The following PPP1R1C variants were observed in gnomAD, a reference collection of about 807,000 sequenced individuals.
The protein encoded by PPP1R1C is protein phosphatase 1 regulatory subunit 1C.
In PPP1R1C, 15 loss-of-function variants were observed where a neutral mutation model predicts 17.4. The ratio of observed to expected loss-of-function variants is 0.86; its 90% CI spans 0.58 to 1.33. The LOEUF (loss-of-function observed/expected upper bound fraction) is 1.33, where lower values mean the gene tolerates loss of function less well. Among genes scored for constraint, PPP1R1C ranks in the 40% most tolerant of loss-of-function variants. PPP1R1C has a pLI of 0.00. For missense variants in PPP1R1C, 143 were observed against 130.0 expected (o/e 1.10, Z -0.48); for synonymous variants, 35 against 43.1 (o/e 0.81, Z 0.73).
chr2:181,960,468 T>C (rs1473337892), intron 1 of PPP1R1C, among the ~76,000 whole-genome samples: 2 of 152,216 alleles, frequency 1.3e-5, no homozygotes, highest in African/African-American at 4.8e-5. Context: ...GGCAATTTTG[T>C]AGTTTTTGTT....
intron 4 of PPP1R1C, among the ~76,000 whole-genome samples, chr2:182,112,765 A>G (rs1689479799): frequency 6.6e-6 from 1 of 152,204 alleles, no homozygotes; most frequent in Non-Finnish European, 1.5e-5. Flanking sequence ...AAAAGCACAA[A>G]TACACTATAA....
At chr2:182,069,025 G>T (rs1449446302) in intron 4 of PPP1R1C, among the ~76,000 whole-genome samples, 5 of 152,132 alleles carry the variant, frequency 3.3e-5, no homozygotes, top group Admixed American at 3.3e-4. Flanking sequence ...GGAAGAGAAG[G>T]CAGCAAGATC....
At chr2:182,108,983 C>G (rs1689337071) in intron 4 of PPP1R1C, among the ~76,000 whole-genome samples, 2 of 152,180 alleles carry the variant, frequency 1.3e-5, no homozygotes, top group Non-Finnish European at 1.5e-5. Context: ...CTGTTGCTCC[C>G]TGTCTTCGCT....
In PPP1R1C at chr2:181,986,098, T is replaced by G. The variant is rs1685289194; in HGVS notation, c.-13T>G. On this transcript the variant is annotated 5_prime_UTR_variant, in exon 1 of 5. In the 5' UTR this introduces an upstream ATG that the reference lacks. Transcript: ENST00000682840. ...TGAGCTCTTCACATCTCTGACTAAT[T>G]ATCATCATTACCATGGAGCCCAACA... 6.2e-7 allele frequency: 1 copy of G among 1,609,684 alleles called. No homozygotes were observed.
At position 182,089,674 on chromosome 2, in the gene PPP1R1C, G is replaced by A. The variant is rs138075777; in HGVS notation, c.241+25883G>A. On this transcript the variant is annotated intron_variant, in intron 4 of 4. Coordinates refer to ENST00000682840, the MANE Select transcript of PPP1R1C (RefSeq NM_001080545.3). The stretch of plus-strand genomic sequence containing the variant: ...CAAAACAGGTATTATTTAAAACAAC[G>A]ATATTCAAAGAGTAACATGGTAGAT... 3.4e-3 allele frequency among the ~76,000 whole-genome samples: 517 copies of A among 152,070 alleles called. 2 individuals are homozygous for A. The highest frequency in any genetic ancestry group is 0.012 in the African/African-American group (500 of 41,522).
At chr2:182,070,850 G>A (rs1688118457) in intron 4 of PPP1R1C, among the ~76,000 whole-genome samples, 2 of 152,170 alleles carry the variant, frequency 1.3e-5, no homozygotes, top group African/African-American at 2.4e-5. Context: ...GAAGGTGAAG[G>A]GGGAGCCAGC....
chr2:182,076,197 C>CTTTTTT lies in PPP1R1C; in HGVS notation c.241+12442_241+12447dup, dbSNP rs1165789924. On this transcript the variant is annotated intron_variant, in intron 4 of 4. Coordinates refer to ENST00000682840, the MANE Select transcript of PPP1R1C (RefSeq NM_001080545.3). ...GATTTTGAACTTTTTTTTTTCTTTT[C>CTTTTTT]TTTTTTTTTTTTTTTTTTTTTTTTT... Among the ~76,000 whole-genome samples the CTTTTTT allele has an allele frequency of 1.6e-3, 41 of 25,856 alleles. 5 individuals carry two copies. The highest frequency in any genetic ancestry group is 3.6e-3 in the African/African-American group (17 of 4,684). The allele number at this position is 25,856 out of a possible 152,430, so 17.0% of individuals were successfully genotyped here.
intron 2 of PPP1R1C, among the ~76,000 whole-genome samples, chr2:182,040,004 G>A (rs185039808): frequency 5.5e-4 from 83 of 152,258 alleles, no homozygotes; most frequent in Non-Finnish European, 1.1e-3. Context: ...TTATAGCTGA[G>A]TAGTATTCCA....
In PPP1R1C at chr2:182,100,944, A is replaced by C. The variant is rs538464016; in HGVS notation, c.242-16263A>C. Among the ~76,000 whole-genome samples, 176 of 152,268 alleles carry C rather than the reference A, an allele frequency of 1.2e-3. 1 individual carries two copies. The highest frequency in any genetic ancestry group is 3.6e-3 in the African/African-American group (150 of 41,564). On this transcript the variant is annotated intron_variant, in intron 4 of 4. Coordinates refer to ENST00000682840, the MANE Select transcript of PPP1R1C (RefSeq NM_001080545.3). ...AGCAGGCAGGGCTGATTGTTTTCCC[A>C]TGTTTGGTGGTCATGAGAAGAGCGG...
intron 4 of PPP1R1C, among the ~76,000 whole-genome samples, chr2:182,065,529 T>C (rs1687960968): frequency 1.3e-5 from 2 of 152,140 alleles, no homozygotes; most frequent in African/African-American, 2.4e-5. Flanking sequence ...ATTCTTCAAA[T>C]TGCAGTTGAA....
chr2:182,011,807 T>C (rs1686095167), intron 2 of PPP1R1C, among the ~76,000 whole-genome samples: 1 of 152,054 alleles, frequency 6.6e-6, no homozygotes, highest in Non-Finnish European at 1.5e-5. Flanking sequence ...TTTTGGTATG[T>C]TGTGTTTCTA....
intron 2 of PPP1R1C, among the ~76,000 whole-genome samples, chr2:181,997,258 T>C (rs1685641422): frequency 6.8e-6 from 1 of 147,782 alleles, no homozygotes; most frequent in Non-Finnish European, 1.5e-5. Flanking sequence ...AAAGAAGACA[T>C]ATACACAAAT....
Position 181,976,008 on chromosome 2 carries a change from ATAT to A in PPP1R1C, n.157+749_157+751del, listed in dbSNP as rs375791468. Among the ~76,000 whole-genome samples, 39 of 152,214 alleles carry A rather than the reference ATAT, an allele frequency of 2.6e-4. No individual in the cohort carries two copies. In the East Asian group the frequency reaches 6.2e-3, roughly 24 times the overall value. On this transcript the variant is annotated intron_variant and non_coding_transcript_variant, in intron 2 of 5. Coordinates refer to the PPP1R1C transcript ENST00000464264. The surrounding 1 kb of genome is among the most constrained non-coding windows in gnomAD (Gnocchi z 4.8). ...ATCAAAATGCAAAAGAACCTTAAAAATATTATTTAAAATTATCTTTGTTATTCT... is the reference window on the plus strand; with the variant it reads ...ATCAAAATGCAAAAGAACCTTAAAAATATTTAAAATTATCTTTGTTATTCT...
chr2:181,990,689 C>T (rs911578068), intron 2 of PPP1R1C, among the ~76,000 whole-genome samples: 16 of 152,260 alleles, frequency 1.1e-4, no homozygotes, highest in African/African-American at 3.1e-4. Flanking sequence ...TATTTCTGCG[C>T]GATCCAACAG....
At chr2:182,027,643 G>A (rs1686661209) in intron 2 of PPP1R1C, among the ~76,000 whole-genome samples, 1 of 142,668 alleles carries the variant, frequency 7.0e-6, no homozygotes, top group Non-Finnish European at 1.5e-5. Flanking sequence ...TTGCATCAAT[G>A]TTCATCAAGG....
intron 2 of PPP1R1C, among the ~76,000 whole-genome samples, chr2:181,994,483 TTAGTC>T (rs1448110645): frequency 6.6e-6 from 1 of 152,200 alleles, no homozygotes; most frequent in Non-Finnish European, 1.5e-5. Context: ...CTTTTAAGAC[TTAGTC>T]TAGACTGTCT....
chr2:182,032,534 G>A (rs1465640325), intron 2 of PPP1R1C, among the ~76,000 whole-genome samples: 1 of 152,110 alleles, frequency 6.6e-6, no homozygotes, highest in Non-Finnish European at 1.5e-5. Flanking sequence ...AGCAGTTTCT[G>A]ATACATAGTG....
chr2:182,002,936 C>CT lies in PPP1R1C; in HGVS notation c.142+15037_142+15038insT, dbSNP rs1553502184. Among the ~76,000 whole-genome samples the CT allele has an allele frequency of 4.4e-5, 6 of 135,628 alleles. 1 individual carries two copies. In the South Asian group the frequency reaches 1.2e-3, roughly 27 times the overall value. The allele number at this position is 135,628 out of a possible 152,430, so 89.0% of individuals were successfully genotyped here. A position where few individuals can be genotyped will look rare whatever the true frequency, so the allele number is the denominator to read the frequency against. ...AAGAGTGATGCCATAAACCTCCCCC[C>CT]CCCCACAACCCTGAAATCCCCCAGA... On this transcript the variant is annotated intron_variant, in intron 2 of 4. Coordinates refer to ENST00000682840, the MANE Select transcript of PPP1R1C (RefSeq NM_001080545.3).
At chr2:182,121,156 G>A (rs909020333), downstream of PPP1R1C, among the ~76,000 whole-genome samples, 7 of 152,140 alleles carry the variant, frequency 4.6e-5, no homozygotes, top group Admixed American at 1.3e-4. Context: ...ATATTTCCCA[G>A]ACCACATTTA....
Sources: gnomAD v4.1 joint callset for allele counts (sites outside exome capture counted in the v4.1 genomes callset) on GRCh38, gnomAD v4.1.1 for gene constraint, Gnocchi (gnomAD v3.1) non-coding constraint, MANE v1.5 for transcripts, NCBI Gene and HGNC (gene_info 2026-07-23, HGNC 2026-07-21) for gene names.